PHF24: variants seen among roughly 807,000 people sequenced by gnomAD.
PHF24 encodes Galpha inhibitory interacting protein.
In PHF24, 25 loss-of-function variants were observed where a neutral mutation model predicts 42.6. The ratio of observed to expected loss-of-function variants is 0.59; its 90% CI spans 0.43 to 0.82. PHF24 has a LOEUF of 0.82. Among genes scored for constraint, PHF24 ranks in the 40% least tolerant of loss-of-function variants. The pLI is 0.00. For missense variants in PHF24, 470 were observed against 538.1 expected (o/e 0.87, Z 1.25); for synonymous variants, 185 against 204.8 (o/e 0.90, Z 0.83).
At chr9:34,845,846 G>C in the PHF24 span, among the ~76,000 whole-genome samples, 3 of 148,334 alleles carry the variant, frequency 2.0e-5, no homozygotes, top group Admixed American at 6.9e-5. Flanking sequence ...GAGAATATGC[G>C]GTGTTTGGTT....
chr9:34,977,501 C>A, intron 6 of PHF24, 45 bp from the exon 7 acceptor site: 1 of 1,544,032 alleles, frequency 6.5e-7, no homozygotes, highest in Non-Finnish European at 8.8e-7. Flanking sequence ...AGGGGGCAGG[C>A]ATTTCACTAT....
the PHF24 span, chr9:34,709,968 G>A: frequency 9.3e-6 from 15 of 1,614,078 alleles, no homozygotes; most frequent in Admixed American, 2.2e-4. Context: ...GATCCCCTTA[G>A]CCCCATGCAA....
chr9:34,794,768 C>T, the PHF24 span, among the ~76,000 whole-genome samples: 2 of 151,994 alleles, frequency 1.3e-5, no homozygotes, highest in East Asian at 1.9e-4. Context: ...ATAAATTATT[C>T]AATTTAGACA....
the PHF24 span, among the ~76,000 whole-genome samples, chr9:34,863,911 G>A: frequency 6.6e-6 from 1 of 152,086 alleles, no homozygotes; most frequent in Non-Finnish European, 1.5e-5. Context: ...AACAGAGAAG[G>A]AATTCAGAAT....
chr9:34,926,874 G>A, the PHF24 span, among the ~76,000 whole-genome samples: 2 of 152,190 alleles, frequency 1.3e-5, no homozygotes, highest in African/African-American at 4.8e-5. This position sits in a 1 kb window ranked among gnomAD's most constrained non-coding sequence, Gnocchi z 4.3. Context: ...TCAAGTCCTG[G>A]ATGTGGGCTC....
At chr9:34,932,744 TTAAG>T in the PHF24 span, among the ~76,000 whole-genome samples, 2 of 151,622 alleles carry the variant, frequency 1.3e-5, no homozygotes, top group African/African-American at 4.8e-5. Context: ...AAGTATATAC[TTAAG>T]TAATTTTATA....
At chr9:34,673,100 A>T in the PHF24 span, among the ~76,000 whole-genome samples, 2 of 152,220 alleles carry the variant, frequency 1.3e-5, no homozygotes, top group South Asian at 4.1e-4. Flanking sequence ...TCATGCCTGT[A>T]AACCCAGCAC....
chr9:34,767,804 G>T, the PHF24 span, among the ~76,000 whole-genome samples: 45 of 152,236 alleles, frequency 3.0e-4, no homozygotes, highest in Non-Finnish European at 5.1e-4. Context: ...CGTCGCTCAC[G>T]CTGGGAGCTG....
At chr9:34,698,942 G>C in the PHF24 span, among the ~76,000 whole-genome samples, 1 of 152,232 alleles carries the variant, frequency 6.6e-6, no homozygotes, top group Non-Finnish European at 1.5e-5. Flanking sequence ...TTAGTGTAGT[G>C]GAGTAAGGCC....
the PHF24 span, among the ~76,000 whole-genome samples, chr9:34,736,984 C>T: frequency 6.6e-6 from 1 of 152,176 alleles, no homozygotes; most frequent in Non-Finnish European, 1.5e-5. Flanking sequence ...GGCTGCCAAT[C>T]ATTGATTCTC....
chr9:34,835,763 A>G, the PHF24 span: 2 of 1,551,050 alleles, frequency 1.3e-6, no homozygotes, highest in South Asian at 2.4e-5. Flanking sequence ...TGGGTTAAAG[A>G]TTTCTGATCT....
chr9:34,820,644 A>G, the PHF24 span, among the ~76,000 whole-genome samples: 1 of 152,080 alleles, frequency 6.6e-6, no homozygotes. Flanking sequence ...ATTGATGGGT[A>G]TTTAGGTTGA....
At chr9:34,703,101 C>G in the PHF24 span, among the ~76,000 whole-genome samples, 5 of 152,166 alleles carry the variant, frequency 3.3e-5, no homozygotes, top group African/African-American at 1.2e-4. Flanking sequence ...GTGACAGACC[C>G]CACCCCTCTG....
chr9:34,867,274 T>G, the PHF24 span, among the ~76,000 whole-genome samples: 1 of 152,246 alleles, frequency 6.6e-6, no homozygotes, highest in Non-Finnish European at 1.5e-5. Flanking sequence ...ATGAACAGAT[T>G]CAGTTCCCAT....
At chr9:34,723,594 T>G in the PHF24 span, 1 of 1,551,778 alleles carries the variant, frequency 6.4e-7, no homozygotes, top group Non-Finnish European at 8.7e-7. Context: ...AGAAAACATT[T>G]AATTTTATTT....
the PHF24 span, among the ~76,000 whole-genome samples, chr9:34,829,367 T>G: frequency 6.6e-6 from 1 of 152,214 alleles, no homozygotes; most frequent in South Asian, 2.1e-4. Flanking sequence ...ATATATATGT[T>G]GATTAGGCAA....
chr9:34,723,223 G>C, the PHF24 span: 1 of 1,550,120 alleles, frequency 6.5e-7, no homozygotes, highest in Non-Finnish European at 8.7e-7. Context: ...CTGAGGTGAG[G>C]GTCAGGAGCT....
At chr9:34,776,776 T>A in the PHF24 span, among the ~76,000 whole-genome samples, 1 of 152,234 alleles carries the variant, frequency 6.6e-6, no homozygotes, top group South Asian at 2.1e-4. Flanking sequence ...TTTTCATGTT[T>A]CCTGTGTCCT....
chr9:34,700,852 C>A, the PHF24 span, among the ~76,000 whole-genome samples: 1 of 151,968 alleles, frequency 6.6e-6, no homozygotes, highest in South Asian at 2.1e-4. Context: ...CCGAAGGTAC[C>A]CACTATCATG....
Sources: gnomAD v4.1 joint callset for allele counts (sites outside exome capture counted in the v4.1 genomes callset) on GRCh38, gnomAD v4.1.1 for gene constraint, Gnocchi (gnomAD v3.1) non-coding constraint, MANE v1.5 for transcripts, NCBI Gene and HGNC (gene_info 2026-07-23, HGNC 2026-07-21) for gene names.